Variants in DENND1B observed in about 807,000 individuals in gnomAD.
DENND1B encodes DENN domain containing 1B.
A neutral mutation model predicts 90.1 loss-of-function variants in DENND1B; 59 were observed. The ratio of observed to expected loss-of-function variants is 0.65; its 90% CI spans 0.53 to 0.81. DENND1B has a LOEUF of 0.81. Ranked by LOEUF, DENND1B falls within the 40% of genes least tolerant of loss-of-function variation. DENND1B has a pLI of 0.00. For synonymous variants in DENND1B, 337 were observed against 324.6 expected, an observed-to-expected ratio of 1.04 and a Z score of -0.41; for missense variants, 862 against 912.6, an observed-to-expected ratio of 0.94 and a Z score of 0.71.
intron 3 of DENND1B, 81 bp downstream of exon 3, chr1:197,714,950 T>C: frequency 9.7e-7 from 1 of 1,030,934 alleles, no homozygotes; most frequent in Non-Finnish European, 1.5e-6. Context: ...CTAGTAGTTA[T>C]ACTAGCAACA....
chr1:197,563,501 C>T (rs1672350703), intron 15 of DENND1B, among the ~76,000 whole-genome samples: 1 of 151,912 alleles, frequency 6.6e-6, no homozygotes, highest in African/African-American at 2.4e-5. Flanking sequence ...CATTCTAAGC[C>T]CACTGTTGAG....
chr1:197,553,362 C>G (rs542361539), intron 15 of DENND1B, among the ~76,000 whole-genome samples: 54 of 152,260 alleles, frequency 3.5e-4, no homozygotes, highest in Admixed American at 2.4e-3. Context: ...GAGTCTAACT[C>G]TAACTTATTA....
intron 7 of DENND1B, among the ~76,000 whole-genome samples, chr1:197,648,505 A>T (rs887312280): frequency 6.6e-6 from 1 of 152,148 alleles, no homozygotes; most frequent in Non-Finnish European, 1.5e-5. Context: ...TTAAAGGGAG[A>T]ACACATTTGT....
chr1:197,764,855 A>G (rs1403169337), intron 2 of DENND1B, among the ~76,000 whole-genome samples: 3 of 152,188 alleles, frequency 2.0e-5, no homozygotes, highest in Non-Finnish European at 2.9e-5. Flanking sequence ...TTGTTAGTTG[A>G]AAAGTGGTGA....
At chr1:197,705,750 G>A (rs1486704424) in intron 3 of DENND1B, among the ~76,000 whole-genome samples, 1 of 151,106 alleles carries the variant, frequency 6.6e-6, no homozygotes, top group African/African-American at 2.4e-5. Context: ...ATATATATTG[G>A]AATGGTAAAA....
intron 10 of DENND1B, among the ~76,000 whole-genome samples, chr1:197,632,728 T>C (rs1320861612): frequency 6.6e-6 from 1 of 152,210 alleles, no homozygotes; most frequent in Non-Finnish European, 1.5e-5. Context: ...TATTTTTAAC[T>C]CCTTCCTATT....
At chr1:197,608,490 A>G (rs1265223972) in intron 12 of DENND1B, among the ~76,000 whole-genome samples, 2 of 150,666 alleles carry the variant, frequency 1.3e-5, no homozygotes, top group Non-Finnish European at 3.0e-5. Context: ...ATATATGTGT[A>G]GTTACCTATA....
chr1:197,652,387 A>C, intron 6 of DENND1B, 72 bp from the exon 7 acceptor site: 1 of 1,192,522 alleles, frequency 8.4e-7, no homozygotes, highest in Non-Finnish European at 1.2e-6. Context: ...ACTATTTGAT[A>C]AAATAATCTA....
intron 15 of DENND1B, among the ~76,000 whole-genome samples, chr1:197,579,088 G>T (rs1673961227): frequency 6.6e-6 from 1 of 152,170 alleles, no homozygotes; most frequent in Non-Finnish European, 1.5e-5. Flanking sequence ...AGATTATCTA[G>T]AATAATCTTC....
At chr1:197,746,702 T>C in intron 2 of DENND1B, 2 of 837,502 alleles carry the variant, frequency 2.4e-6, no homozygotes. Context: ...ACGTTCTCAG[T>C]AAATTGAGCA....
intron 11 of DENND1B, among the ~76,000 whole-genome samples, chr1:197,613,751 C>T (rs1677392470): frequency 6.6e-6 from 1 of 150,918 alleles, no homozygotes; most frequent in African/African-American, 2.4e-5. Flanking sequence ...CAAGCCCTGC[C>T]TATGTTCAAA....
intron 2 of DENND1B, among the ~76,000 whole-genome samples, chr1:197,754,784 C>T (rs187694726): frequency 6.6e-6 from 1 of 150,392 alleles, no homozygotes; most frequent in East Asian, 1.9e-4. Flanking sequence ...AACAGATGAA[C>T]CAGTTTACGG....
intron 3 of DENND1B, among the ~76,000 whole-genome samples, chr1:197,682,974 T>C (rs1656846817): frequency 6.6e-6 from 1 of 152,162 alleles, no homozygotes; most frequent in African/African-American, 2.4e-5. Context: ...GCATTCTCTT[T>C]TACTTTCAAA....
At chr1:197,690,688 C>G (rs1204772140) in intron 3 of DENND1B, 2 of 167,844 alleles carry the variant, frequency 1.2e-5, no homozygotes, top group African/African-American at 4.8e-5. Context: ...GAAGAACAGT[C>G]CCAGAAGTAT....
At chr1:197,515,672 A>G (rs534448144) in intron 20 of DENND1B, among the ~76,000 whole-genome samples, 35 of 151,820 alleles carry the variant, frequency 2.3e-4, no homozygotes, top group Non-Finnish European at 4.1e-4. Context: ...AACAGTGTTT[A>G]TATTTGTAGA....
At chr1:197,526,763 T>C (rs1669161733) in intron 20 of DENND1B, among the ~76,000 whole-genome samples, 1 of 152,198 alleles carries the variant, frequency 6.6e-6, no homozygotes. Flanking sequence ...ATTTTAAAAA[T>C]GAAGTCCAAG....
chr1:197,604,268 A>T (rs1156636461), intron 13 of DENND1B, among the ~76,000 whole-genome samples: 1 of 151,298 alleles, frequency 6.6e-6, no homozygotes, highest in African/African-American at 2.4e-5. Context: ...GTCAGAAGAC[A>T]GGAAAAGAGG....
chr1:197,736,464 T>C (rs1662702117), intron 2 of DENND1B, among the ~76,000 whole-genome samples: 1 of 152,090 alleles, frequency 6.6e-6, no homozygotes, highest in African/African-American at 2.4e-5. Context: ...CCCAAATAGC[T>C]AAGACTACAG....
chr1:197,631,770 CTGTT>C (rs952263362), intron 10 of DENND1B, among the ~76,000 whole-genome samples: 19 of 151,862 alleles, frequency 1.3e-4, no homozygotes, highest in African/African-American at 3.1e-4. Flanking sequence ...TATCTTATGT[CTGTT>C]TAACATACAT....
Sources: allele counts gnomAD v4.1 joint callset (sites outside exome capture counted in the v4.1 genomes callset), GRCh38; gene constraint gnomAD v4.1.1; transcripts MANE v1.5; gene names NCBI Gene and HGNC (gene_info 2026-07-23, HGNC 2026-07-21).